LMNTD1: variants seen among roughly 807,000 people sequenced by gnomAD.
LMNTD1 encodes lamin tail domain-containing protein 1.
Under a neutral mutation model 50.9 loss-of-function variants are expected in LMNTD1, and 35 were observed. That is an observed-to-expected ratio of 0.69 (90% CI 0.53 to 0.91). The LOEUF is 0.91. Among genes scored for constraint, LMNTD1 ranks in the 40% least tolerant of loss-of-function variants. The pLI is 0.00. For synonymous variants in LMNTD1, 153 were observed against 161.9 expected (o/e 0.94, Z 0.42); for missense variants, 470 against 475.5 (o/e 0.99, Z 0.11).
chr12:25,591,845 G>GAC (rs1945707755), intron 1 of LMNTD1, among the ~76,000 whole-genome samples: 3 of 151,790 alleles, frequency 2.0e-5, no homozygotes, highest in Non-Finnish European at 2.9e-5. Flanking sequence ...GAGAGAGAGA[G>GAC]AGAGAGAGAG....
chr12:25,620,490 AC>A (rs1476210307), intron 1 of LMNTD1, among the ~76,000 whole-genome samples: 3 of 152,108 alleles, frequency 2.0e-5, no homozygotes, highest in African/African-American at 4.8e-5. Flanking sequence ...GGTAAAGTAT[AC>A]CTTTTCAATA....
upstream of LMNTD1, among the ~76,000 whole-genome samples, chr12:25,556,807 C>A (rs1055680887): frequency 6.6e-6 from 1 of 152,142 alleles, no homozygotes; most frequent in Non-Finnish European, 1.5e-5. Context: ...TACATATACA[C>A]AATTTTTAAA....
chr12:25,587,283 C>T (rs144491572), intron 1 of LMNTD1, among the ~76,000 whole-genome samples: 123 of 152,252 alleles, frequency 8.1e-4, no homozygotes, highest in African/African-American at 2.8e-3. Context: ...TAAAGAAATA[C>T]TGGAGGCTGG....
intron 9 of LMNTD1, among the ~76,000 whole-genome samples, chr12:25,482,477 GA>G (rs1202403980): frequency 6.6e-6 from 1 of 151,968 alleles, no homozygotes; most frequent in African/African-American, 2.4e-5. Flanking sequence ...TATTAATACA[GA>G]TCTGTTGACC....
intron 1 of LMNTD1, among the ~76,000 whole-genome samples, chr12:25,647,411 C>T (rs1234902639): frequency 6.6e-6 from 1 of 152,090 alleles, no homozygotes; most frequent in Non-Finnish European, 1.5e-5. Flanking sequence ...ATGGCTTGAG[C>T]CTGGGGGGGC....
chr12:25,602,143 A>T (rs1019342774), intron 1 of LMNTD1, among the ~76,000 whole-genome samples: 5 of 151,918 alleles, frequency 3.3e-5, no homozygotes, highest in Non-Finnish European at 5.9e-5. Flanking sequence ...AGGGGTACTG[A>T]CTGGGCCATA....
chr12:25,500,290 G>A (rs1939313279), intron 9 of LMNTD1, among the ~76,000 whole-genome samples: 1 of 152,084 alleles, frequency 6.6e-6, no homozygotes, highest in Non-Finnish European at 1.5e-5. Context: ...CCCTCTCTCT[G>A]GGGGTTAAAT....
At chr12:25,622,642 C>CTTTA (rs777960887) in intron 1 of LMNTD1, among the ~76,000 whole-genome samples, 15 of 152,248 alleles carry the variant, frequency 9.9e-5, no homozygotes, top group Non-Finnish European at 1.9e-4. Flanking sequence ...TTTAGTAAGC[C>CTTTA]TTTACTCTAT....
chr12:25,642,956 T>C lies in LMNTD1; in HGVS notation c.58+5538A>G, dbSNP rs571330571. On this transcript the variant is annotated intron_variant, in intron 1 of 7. Transcript: ENST00000445693. Reference sequence around the variant, plus strand: ...TGCCACGTCTATGATATATTTTCGATATTAGAGGTCAGTATGCATTCAACA... The same window carrying C: ...TGCCACGTCTATGATATATTTTCGACATTAGAGGTCAGTATGCATTCAACA... Among the ~76,000 whole-genome samples the C allele has an allele frequency of 2.6e-5, 4 of 152,308 alleles. No homozygotes were observed. The South Asian group carries it at 8.3e-4, about 32-fold the overall frequency.
upstream of LMNTD1, among the ~76,000 whole-genome samples, chr12:25,554,687 A>G (rs1943960293): frequency 6.6e-6 from 1 of 152,214 alleles, no homozygotes; most frequent in Non-Finnish European, 1.5e-5. Flanking sequence ...GACTTTCCAC[A>G]ATGTGGCAGA....
At chr12:25,642,606 T>TA (rs1263426984) in intron 1 of LMNTD1, among the ~76,000 whole-genome samples, 2 of 152,260 alleles carry the variant, frequency 1.3e-5, no homozygotes, top group African/African-American at 2.4e-5. Flanking sequence ...TCTGCTTTAG[T>TA]ACTGAAGGTG....
At chr12:25,635,535 A>C (rs1354831742) in intron 1 of LMNTD1, among the ~76,000 whole-genome samples, 1 of 152,234 alleles carries the variant, frequency 6.6e-6, no homozygotes, top group Non-Finnish European at 1.5e-5. Flanking sequence ...GGATAGAATC[A>C]ATATTTTGAA....
At position 25,581,558 on chromosome 12, in the gene LMNTD1, T is replaced by C. The variant is rs1234307580; in HGVS notation, c.59-35004A>G. Among the ~76,000 whole-genome samples, 3 of 152,228 alleles carry C rather than the reference T, an allele frequency of 2.0e-5. No individual in the cohort carries two copies. In the East Asian group the frequency reaches 5.8e-4, roughly 29 times the overall value. On this transcript the variant is annotated intron_variant, in intron 1 of 7. Transcript: ENST00000445693. ...TTACTCTTTTGATTAAACTTTATCA[T>C]CATAGGTATCAAATTCTGACATAAA...
chr12:25,515,430 T>C (rs2666784), intron 8 of LMNTD1, among the ~76,000 whole-genome samples: 112,033 of 151,338 alleles, frequency 0.74, 42,370 homozygotes, highest in East Asian at 0.88. Context: ...AAATTAAAAA[T>C]ACACAAATTA....
At chr12:25,587,313 G>C (rs777003171) in intron 1 of LMNTD1, among the ~76,000 whole-genome samples, 19 of 152,202 alleles carry the variant, frequency 1.2e-4, no homozygotes, top group Non-Finnish European at 2.8e-4. Context: ...AAGGAAAAGA[G>C]GTCTAATTGG....
intron 4 of LMNTD1, among the ~76,000 whole-genome samples, chr12:25,541,793 A>C (rs1189036685): frequency 5.3e-5 from 7 of 131,726 alleles, no homozygotes; most frequent in Non-Finnish European, 9.8e-5. Context: ...CAACCTACAA[A>C]ATGGGAGAAA....
chr12:25,592,034 C>T (rs1945716143), intron 1 of LMNTD1, among the ~76,000 whole-genome samples: 1 of 152,060 alleles, frequency 6.6e-6, no homozygotes, highest in African/African-American at 2.4e-5. Flanking sequence ...AATTATAACG[C>T]CTAAGTTCTC....
intron 8 of LMNTD1, among the ~76,000 whole-genome samples, chr12:25,508,226 A>T (rs139883324): frequency 6.6e-6 from 1 of 152,210 alleles, no homozygotes; most frequent in Non-Finnish European, 1.5e-5. Flanking sequence ...CACCACTTGG[A>T]TCAAGAAATG....
chr12:25,600,475 G>GGGATATTA (rs1945941519), intron 1 of LMNTD1, among the ~76,000 whole-genome samples: 1 of 151,974 alleles, frequency 6.6e-6, no homozygotes, highest in Non-Finnish European at 1.5e-5. Flanking sequence ...AAAAGCTTCT[G>GGGATATTA]CACAGTAAAG....
Sources: allele counts gnomAD v4.1 joint callset (sites outside exome capture counted in the v4.1 genomes callset), GRCh38; gene constraint gnomAD v4.1.1; transcripts MANE v1.5; gene names NCBI Gene and HGNC (gene_info 2026-07-23, HGNC 2026-07-21).